Variants in OSBPL11 observed in about 807,000 individuals in gnomAD.
The protein encoded by OSBPL11 is oxysterol-binding protein-related protein 11.
In OSBPL11, 33 loss-of-function variants were observed where a neutral mutation model predicts 84.4. The observed-to-expected ratio is 0.39, with a 90% CI of 0.30 to 0.52. OSBPL11 has a LOEUF of 0.52. Among genes scored for constraint, OSBPL11 ranks in the 20% least tolerant of loss-of-function variants. The pLI is 0.72. For synonymous variants in OSBPL11, 276 were observed against 310.2 expected (o/e 0.89, Z 1.16); for missense variants, 736 against 901.1 (o/e 0.82, Z 2.35).
chr3:125,587,009 CA>C (rs1936523749), intron 1 of OSBPL11, among the ~76,000 whole-genome samples: 2 of 152,302 alleles, frequency 1.3e-5, no homozygotes, highest in South Asian at 4.1e-4. Context: ...CTCTCCATCT[CA>C]AATCTATAAT....
chr3:125,570,179 TAGAAG>T (rs1936222215), intron 5 of OSBPL11, among the ~76,000 whole-genome samples: 1 of 152,066 alleles, frequency 6.6e-6, no homozygotes, highest in Admixed American at 6.5e-5. Context: ...GTAATGGTGT[TAGAAG>T]TGGTCAAAGA....
intron 10 of OSBPL11, among the ~76,000 whole-genome samples, chr3:125,541,146 G>A (rs1376893685): frequency 6.6e-6 from 1 of 152,140 alleles, no homozygotes; most frequent in Non-Finnish European, 1.5e-5. Flanking sequence ...TTAATGGCCT[G>A]AGCTCTTTAC....
chr3:125,558,874 G>A (rs973408184), intron 8 of OSBPL11, among the ~76,000 whole-genome samples: 1 of 152,204 alleles, frequency 6.6e-6, no homozygotes, highest in African/African-American at 2.4e-5. Context: ...GGTCCACTAA[G>A]TCTGGGACTG....
intron 1 of OSBPL11, among the ~76,000 whole-genome samples, chr3:125,592,528 CAT>C (rs199747642): frequency 2.6e-4 from 40 of 152,154 alleles, no homozygotes; most frequent in East Asian, 1.2e-3. Context: ...CATGTCATCA[CAT>C]GTTTATTAAA....
chr3:125,556,454 T>C (rs1162703093), intron 8 of OSBPL11, among the ~76,000 whole-genome samples: 1 of 152,084 alleles, frequency 6.6e-6, no homozygotes, highest in East Asian at 1.9e-4. Flanking sequence ...GAGTTGGAGG[T>C]AGGTCACAGT....
chr3:125,570,225 T>C (rs1299116012), intron 5 of OSBPL11, among the ~76,000 whole-genome samples: 4 of 148,916 alleles, frequency 2.7e-5, no homozygotes, highest in Non-Finnish European at 5.9e-5. Context: ...AAAAATAAAA[T>C]TAAAAAAAAT....
chr3:125,569,467 A>C (rs182663015), intron 5 of OSBPL11, among the ~76,000 whole-genome samples: 48 of 152,362 alleles, frequency 3.2e-4, no homozygotes, highest in African/African-American at 1.2e-3. Context: ...ATACATGCAT[A>C]TATAGTGTGC....
intron 1 of OSBPL11, 79 bp from the exon 2 acceptor site, chr3:125,583,057 G>T: frequency 1.0e-6 from 1 of 972,214 alleles, no homozygotes; most frequent in Non-Finnish European, 1.5e-6. Flanking sequence ...TTTCAAAATA[G>T]CTGCAGATAC....
At chr3:125,561,762 A>G (rs1051334349) in intron 7 of OSBPL11, among the ~76,000 whole-genome samples, 1 of 152,258 alleles carries the variant, frequency 6.6e-6, no homozygotes, top group Non-Finnish European at 1.5e-5. Flanking sequence ...CACAGAGTAC[A>G]ACATGAATAG....
rs1935540119 is a variant in OSBPL11 at position 125,530,468 on chromosome 3, G to A, written c.*47C>T. The A allele has an allele frequency of 1.3e-6, 2 of 1,533,566 alleles. No homozygotes were observed. The highest frequency in any genetic ancestry group is 1.8e-6 in the Non-Finnish European group (2 of 1,107,112). The allele number at this position is 1,533,566 out of a possible 1,614,324, so 95.0% of individuals were successfully genotyped here. ...ATGACTCCATTCTGGGAGGATTTAG[G>A]GTAAACAGAGAAGAACCTCATTTGG... is the stretch of plus-strand genomic sequence containing the variant. On this transcript the variant is annotated 3_prime_UTR_variant, in exon 13 of 13. Transcript: ENST00000296220.
At chr3:125,548,553 G>C (rs560816390) in intron 9 of OSBPL11, among the ~76,000 whole-genome samples, 1 of 151,806 alleles carries the variant, frequency 6.6e-6, no homozygotes, top group Admixed American at 6.6e-5. Flanking sequence ...TGGTTTAAAA[G>C]GTTTTATAAA....
chr3:125,563,567 G>C, intron 7 of OSBPL11, 131 bp downstream of exon 7: 1 of 863,290 alleles, frequency 1.2e-6, no homozygotes, highest in East Asian at 2.6e-5. Flanking sequence ...AGTTTAAAAT[G>C]TTTTAGAATC....
chr3:125,580,025 G>C lies in OSBPL11; in HGVS notation c.249C>G (p.Asn83Lys), dbSNP rs1418364672. Reference protein sequence around the residue: ...TGWQYRFFVLNNEAGLLEYFV... With the variant: ...TGWQYRFFVLKNEAGLLEYFV... ...AGTACTCCAACAGCCCAGCTTCATT[G>C]TTTAAAACAAAAAACCTGTAATGAT... Residue 83 changes from asparagine to lysine, a missense_variant, in exon 3 of 13, where the codon AAC (asparagine) becomes AAG (lysine). Physicochemically the swap from Asn to Lys is moderately conservative, Grantham distance 94 (BLOSUM62 0). Coordinates refer to ENST00000296220, the MANE Select transcript of OSBPL11 (RefSeq NM_022776.5). 1 of 1,605,522 alleles carries C rather than the reference G, an allele frequency of 6.2e-7. No homozygotes were observed.
chr3:125,570,153 A>G (rs1313128336), intron 5 of OSBPL11, among the ~76,000 whole-genome samples: 2 of 152,118 alleles, frequency 1.3e-5, no homozygotes, highest in Admixed American at 6.5e-5. Flanking sequence ...AGAAGGCCCA[A>G]AAGAGCCACC....
rs568959274 is a variant in OSBPL11 at position 125,532,068 on chromosome 3, A to G, written c.2025-54T>C. On this transcript the variant is annotated intron_variant, in intron 11 of 12. Coordinates refer to ENST00000296220, the MANE Select transcript of OSBPL11 (RefSeq NM_022776.5). Reference sequence around the variant, plus strand: ...AGCATTCTTTAAAAGAGATAATTAAATAGAATCAATACCCTCAAAATTACA... The same window carrying G: ...AGCATTCTTTAAAAGAGATAATTAAGTAGAATCAATACCCTCAAAATTACA... 14 of 1,502,842 alleles carry G rather than the reference A, an allele frequency of 9.3e-6. No individual in the cohort carries two copies. The South Asian group carries it at 1.5e-4, about 16-fold the overall frequency. The allele number at this position is 1,502,842 out of a possible 1,614,324, so 93.1% of individuals were successfully genotyped here.
At chr3:125,534,484 C>G (rs10934715) in intron 11 of OSBPL11, among the ~76,000 whole-genome samples, 85,957 of 151,120 alleles carry the variant, frequency 0.57, 26,975 homozygotes, top group African/African-American at 0.86. Context: ...TATATTCTTT[C>G]ACCAAAATGA....
At chr3:125,557,231 G>A (rs2107597845) in intron 8 of OSBPL11, among the ~76,000 whole-genome samples, 1 of 152,276 alleles carries the variant, frequency 6.6e-6, no homozygotes, top group African/African-American at 2.4e-5. Context: ...TGAAGGCTAG[G>A]ACCATGGTTA....
chr3:125,591,576 G>C (rs1936595129), intron 1 of OSBPL11, among the ~76,000 whole-genome samples: 1 of 152,138 alleles, frequency 6.6e-6, no homozygotes, highest in Non-Finnish European at 1.5e-5. Context: ...ATTGCACCAA[G>C]AGTCTCATGA....
chr3:125,558,263 A>C (rs1936022351), intron 8 of OSBPL11, among the ~76,000 whole-genome samples: 1 of 152,158 alleles, frequency 6.6e-6, no homozygotes, highest in African/African-American at 2.4e-5. Context: ...TATAAATGCA[A>C]ATCTACTCAG....
Sources: gnomAD v4.1 joint callset for allele counts (sites outside exome capture counted in the v4.1 genomes callset) on GRCh38, gnomAD v4.1.1 for gene constraint, MANE v1.5 for transcripts, NCBI Gene and HGNC (gene_info 2026-07-23, HGNC 2026-07-21) for gene names.